NAALADL2: variants seen among roughly 807,000 people sequenced by gnomAD.
NAALADL2 encodes the protein N-acetylated alpha-linked acidic dipeptidase like 2.
A neutral mutation model predicts 87.2 loss-of-function variants in NAALADL2; 76 were observed. The ratio of observed to expected loss-of-function variants is 0.87; its 90% CI spans 0.72 to 1.05. The LOEUF (loss-of-function observed/expected upper bound fraction) is 1.05. Among genes scored for constraint, NAALADL2 ranks in the 50% least tolerant of loss-of-function variants. The pLI, the probability that NAALADL2 is intolerant of heterozygous loss-of-function variation, is 0.00. For missense variants in NAALADL2, 1,089 were observed against 945.8 expected, an observed-to-expected ratio of 1.15 and a Z score of -1.99; for synonymous variants, 354 against 331.0, an observed-to-expected ratio of 1.07 and a Z score of -0.75.
chr3:174,593,915 T>C (rs1400740115), intron 2 of NAALADL2, among the ~76,000 whole-genome samples: 2 of 152,182 alleles, frequency 1.3e-5, no homozygotes, highest in African/African-American at 4.8e-5. Context: ...TGCTACCAGA[T>C]GCTGGCAGAG....
rs187728418 is a variant in NAALADL2 at position 175,546,336 on chromosome 3, G to A, written c.1654-29705G>A. ...ACACCATACCAATGGTTCTTGGTTC[G>A]TTATCCAGCATGCCACTCTGTGTCT... On this transcript the variant is annotated intron_variant, in intron 9 of 13. Transcript: ENST00000454872. Among the ~76,000 whole-genome samples, 79 of 152,126 alleles carry A rather than the reference G, an allele frequency of 5.2e-4. No homozygotes were observed. The East Asian group carries it at 0.012, about 23-fold the overall frequency.
chr3:175,310,205 A>G (rs1270230440), intron 4 of NAALADL2, among the ~76,000 whole-genome samples: 1 of 152,178 alleles, frequency 6.6e-6, no homozygotes, highest in Non-Finnish European at 1.5e-5. Context: ...ATTACATATA[A>G]ACATTTATTT....
chr3:174,521,906 A>C (rs1299621654), intron 1 of NAALADL2, among the ~76,000 whole-genome samples: 1 of 152,016 alleles, frequency 6.6e-6, no homozygotes, highest in East Asian at 1.9e-4. Context: ...GCATGTAACA[A>C]ATCTGCACAT....
At chr3:174,911,926 C>T (rs1007060168) in intron 1 of NAALADL2, among the ~76,000 whole-genome samples, 4 of 152,032 alleles carry the variant, frequency 2.6e-5, no homozygotes, top group Non-Finnish European at 5.9e-5. Context: ...ATCCATTCTC[C>T]CGCAGACAGA....
At chr3:174,661,279 T>C (rs1465211069) in intron 2 of NAALADL2, among the ~76,000 whole-genome samples, 1 of 152,164 alleles carries the variant, frequency 6.6e-6, no homozygotes, top group Non-Finnish European at 1.5e-5. Flanking sequence ...TTAGAAAATA[T>C]TATTACTGAA....
chr3:175,199,878 T>TAC (rs1739752116), intron 2 of NAALADL2, among the ~76,000 whole-genome samples: 1 of 83,706 alleles, frequency 1.2e-5, no homozygotes, highest in African/African-American at 4.5e-5. Context: ...TTTTTTTTTT[T>TAC]TTTTTTTTTT....
intron 9 of NAALADL2, among the ~76,000 whole-genome samples, chr3:175,549,509 T>C (rs1261493428): frequency 6.6e-6 from 1 of 151,968 alleles, no homozygotes; most frequent in African/African-American, 2.4e-5. Flanking sequence ...GTCATCATAG[T>C]AGTGAACTCT....
intron 13 of NAALADL2, among the ~76,000 whole-genome samples, chr3:175,766,654 G>A (rs1748723540): frequency 6.6e-6 from 1 of 151,960 alleles, no homozygotes; most frequent in African/African-American, 2.4e-5. Context: ...CTATTTTATT[G>A]TATTTTTATG....
chr3:175,310,441 C>T (rs1044208196), intron 4 of NAALADL2, among the ~76,000 whole-genome samples: 5 of 151,766 alleles, frequency 3.3e-5, no homozygotes, highest in African/African-American at 7.3e-5. Flanking sequence ...TACACATTGA[C>T]GTATCAGAAA....
intron 2 of NAALADL2, among the ~76,000 whole-genome samples, chr3:175,124,987 A>G (rs9850494): frequency 0.6 from 91,643 of 151,538 alleles, 28,237 homozygotes; most frequent in African/African-American, 0.73. Context: ...CATGGGTGAA[A>G]TGAGTCAGAA....
chr3:175,095,446 T>A (rs1720980886), intron 1 of NAALADL2, among the ~76,000 whole-genome samples: 1 of 152,082 alleles, frequency 6.6e-6, no homozygotes, highest in African/African-American at 2.4e-5. Flanking sequence ...TCATCTTTAT[T>A]GAGTCAATGC....
chr3:175,233,402 A>G (rs961660855), intron 2 of NAALADL2, among the ~76,000 whole-genome samples: 1 of 152,098 alleles, frequency 6.6e-6, no homozygotes, highest in Non-Finnish European at 1.5e-5. Flanking sequence ...CTGCAATGCC[A>G]TAGTGCTGTA....
At chr3:175,487,789 A>G (rs1336018297) in intron 9 of NAALADL2, 1 of 286,090 alleles carries the variant, frequency 3.5e-6, no homozygotes, top group Non-Finnish European at 6.9e-6. Context: ...GACTGTGTGT[A>G]TGTAGCAGAA....
At chr3:175,652,378 C>T (rs1050689202) in intron 11 of NAALADL2, among the ~76,000 whole-genome samples, 25 of 152,054 alleles carry the variant, frequency 1.6e-4, no homozygotes, top group African/African-American at 5.1e-4. Context: ...CAACTCTCCC[C>T]TCACCCCACC....
At chr3:174,842,412 G>A (rs944799140) in intron 3 of NAALADL2, among the ~76,000 whole-genome samples, 3 of 152,058 alleles carry the variant, frequency 2.0e-5, no homozygotes, top group South Asian at 2.1e-4. Flanking sequence ...TGTCCCACTC[G>A]TTTTGGGAGA....
At chr3:175,260,759 G>C (rs1443454858) in intron 4 of NAALADL2, among the ~76,000 whole-genome samples, 1 of 152,068 alleles carries the variant, frequency 6.6e-6, no homozygotes, top group Non-Finnish European at 1.5e-5. Flanking sequence ...ATTTGGGAGG[G>C]AATCTCTACA....
At chr3:175,115,459 A>G (rs1012984781) in intron 2 of NAALADL2, among the ~76,000 whole-genome samples, 7 of 149,994 alleles carry the variant, frequency 4.7e-5, no homozygotes, top group Non-Finnish European at 8.9e-5. Flanking sequence ...ATACTTTCAC[A>G]AGTCACATGT....
intron 4 of NAALADL2, among the ~76,000 whole-genome samples, chr3:175,277,320 T>C (rs1019385411): frequency 1.3e-5 from 2 of 152,218 alleles, no homozygotes; most frequent in African/African-American, 2.4e-5. Flanking sequence ...TGTCAACAAG[T>C]GCTCATGTTT....
chr3:174,999,383 T>C (rs1747936530), intron 1 of NAALADL2, among the ~76,000 whole-genome samples: 1 of 152,180 alleles, frequency 6.6e-6, no homozygotes, highest in South Asian at 2.1e-4. Flanking sequence ...AGAATTGTCT[T>C]TCTGTAATGT....
Sources: allele counts gnomAD v4.1 joint callset (sites outside exome capture counted in the v4.1 genomes callset), GRCh38; gene constraint gnomAD v4.1.1; transcripts MANE v1.5; gene names NCBI Gene and HGNC (gene_info 2026-07-23, HGNC 2026-07-21).